Variants in LARGE1 observed in about 807,000 individuals in gnomAD.
LARGE1 encodes xylosyl- and glucuronyltransferase LARGE1.
A neutral mutation model predicts 87.6 loss-of-function variants in LARGE1; 43 were observed. The observed-to-expected ratio is 0.49, with a 90% CI of 0.38 to 0.63. The LOEUF (loss-of-function observed/expected upper bound fraction) is 0.63. Among genes scored for constraint, LARGE1 ranks in the 30% least tolerant of loss-of-function variants. The probability of loss-of-function intolerance (pLI) is 0.00; values close to 1 mark genes in which losing one functional copy is unlikely to be tolerated. For synonymous variants in LARGE1, 434 were observed against 394.6 expected, an observed-to-expected ratio of 1.10 and a Z score of -1.18; for missense variants, 802 against 1,000.2, an observed-to-expected ratio of 0.80 and a Z score of 2.67.
intron 1 of LARGE1, among the ~76,000 whole-genome samples, chr22:33,906,123 CTG>C (rs2065445122): frequency 6.6e-6 from 1 of 152,022 alleles, no homozygotes; most frequent in Non-Finnish European, 1.5e-5. Context: ...GAGCGAGACT[CTG>C]TCTCAAAAAT....
intron 11 of LARGE1, among the ~76,000 whole-genome samples, chr22:33,239,540 T>TTTTC (rs1926411630): frequency 7.5e-6 from 1 of 133,752 alleles, no homozygotes; most frequent in African/African-American, 2.9e-5. Context: ...CTTTTCTTTT[T>TTTTC]TTTTTTTTTT....
At chr22:33,430,155 A>T (rs1468819509) in intron 7 of LARGE1, among the ~76,000 whole-genome samples, 1 of 152,146 alleles carries the variant, frequency 6.6e-6, no homozygotes, top group African/African-American at 2.4e-5. Flanking sequence ...AGGCTCCTTG[A>T]CTTTTCAGGG....
chr22:33,613,942 A>G (rs2079512042), intron 4 of LARGE1, among the ~76,000 whole-genome samples: 1 of 151,918 alleles, frequency 6.6e-6, no homozygotes, highest in Admixed American at 6.6e-5. Flanking sequence ...TGCCTCATTC[A>G]CCCAGCCTCA....
intron 10 of LARGE1, among the ~76,000 whole-genome samples, chr22:33,328,074 T>C (rs911464060): frequency 9.9e-5 from 15 of 152,114 alleles, no homozygotes; most frequent in Admixed American, 3.9e-4. Flanking sequence ...AAATAAGTCA[T>C]GATTATATTA....
chr22:33,707,543 T>G (rs1246709002), intron 2 of LARGE1, among the ~76,000 whole-genome samples: 2 of 152,232 alleles, frequency 1.3e-5, no homozygotes, highest in East Asian at 3.9e-4. Context: ...TGCTCCCTCC[T>G]TTCTCCAACT....
intron 6 of LARGE1, among the ~76,000 whole-genome samples, chr22:33,445,929 C>T (rs950620185): frequency 1.3e-4 from 19 of 151,602 alleles, no homozygotes; most frequent in African/African-American, 4.6e-4. Flanking sequence ...GGATTACAGG[C>T]GTGAGCCACT....
chr22:33,205,394 C>G (rs1924625090), intron 11 of LARGE1, among the ~76,000 whole-genome samples: 1 of 152,182 alleles, frequency 6.6e-6, no homozygotes, highest in African/African-American at 2.4e-5. Flanking sequence ...AGATGCTGAG[C>G]ACAAAGAGTT....
intron 2 of LARGE1, among the ~76,000 whole-genome samples, chr22:33,756,358 T>C (rs182150180): frequency 2.6e-5 from 4 of 152,188 alleles, no homozygotes; most frequent in Non-Finnish European, 5.9e-5. Context: ...AGCTTGTAAA[T>C]CTGCTGTGAA....
chr22:33,657,914 C>G (rs974656351), intron 2 of LARGE1, among the ~76,000 whole-genome samples: 8 of 151,450 alleles, frequency 5.3e-5, no homozygotes, highest in African/African-American at 1.9e-4. Context: ...AGTGGGTATT[C>G]TCACTATTTC....
intron 7 of LARGE1, among the ~76,000 whole-genome samples, chr22:33,394,528 C>T (rs879774197): frequency 6.6e-6 from 1 of 152,138 alleles, no homozygotes; most frequent in African/African-American, 2.4e-5. Flanking sequence ...GACAAACTTG[C>T]AAAGTAGATG....
intron 3 of LARGE1, among the ~76,000 whole-genome samples, chr22:33,627,775 C>T (rs2079968062): frequency 6.6e-6 from 1 of 152,172 alleles, no homozygotes; most frequent in South Asian, 2.1e-4. Context: ...TGACCTTCAC[C>T]CCAACTTGGA....
chr22:33,412,317 T>C (rs1457000784), intron 7 of LARGE1, among the ~76,000 whole-genome samples: 1 of 151,592 alleles, frequency 6.6e-6, no homozygotes, highest in South Asian at 2.1e-4. Flanking sequence ...TTATTATTAT[T>C]ATATTTCAGC....
At chr22:33,587,309 C>T (rs192440323) in intron 5 of LARGE1, among the ~76,000 whole-genome samples, 3 of 152,208 alleles carry the variant, frequency 2.0e-5, no homozygotes, top group East Asian at 1.9e-4. Context: ...CCTCACAGAA[C>T]CTGTATATAA....
intron 1 of LARGE1, among the ~76,000 whole-genome samples, chr22:33,899,601 A>C (rs2065232894): frequency 1.3e-5 from 2 of 152,156 alleles, no homozygotes; most frequent in African/African-American, 4.8e-5. Context: ...GCAAGCAGGG[A>C]CTGGGACTTT....
At chr22:33,550,850 C>T (rs544936644) in intron 6 of LARGE1, among the ~76,000 whole-genome samples, 7 of 152,232 alleles carry the variant, frequency 4.6e-5, no homozygotes, top group African/African-American at 1.2e-4. Flanking sequence ...CACAGTACAA[C>T]GAAATACTAT....
chr22:33,145,462 C>T, the LARGE1 span, among the ~76,000 whole-genome samples: 1 of 152,130 alleles, frequency 6.6e-6, no homozygotes, highest in South Asian at 2.1e-4. Flanking sequence ...AGAATGCTGT[C>T]AAGGTGGGTC....
chr22:33,436,355 T>C (rs1478376483), intron 6 of LARGE1, among the ~76,000 whole-genome samples: 2 of 152,018 alleles, frequency 1.3e-5, no homozygotes, highest in East Asian at 3.9e-4. Context: ...ATCCATGAGG[T>C]TTTCTTTGGA....
intron 6 of LARGE1, among the ~76,000 whole-genome samples, chr22:33,541,047 TGGGTTGCGGGGGGGGGGGGGC>T (rs1414557300): frequency 1.8e-3 from 4 of 2,182 alleles, no homozygotes; most frequent in African/African-American, 5.8e-3. Context: ...GCTGGGGTGG[TGGGTTGCGGGGGGGGGGGGGC>T]GGGGGGCGGG....
chr22:33,610,519 A>G (rs551715888), intron 4 of LARGE1, among the ~76,000 whole-genome samples: 1 of 152,336 alleles, frequency 6.6e-6, no homozygotes, highest in South Asian at 2.1e-4. Context: ...CAAAGTGTCC[A>G]GATGGAGGAG....
Sources: allele counts gnomAD v4.1 joint callset (sites outside exome capture counted in the v4.1 genomes callset), GRCh38; gene constraint gnomAD v4.1.1; transcripts MANE v1.5; gene names NCBI Gene and HGNC (gene_info 2026-07-23, HGNC 2026-07-21).